The following PCDHGA8 variants were observed in gnomAD, a reference collection of about 807,000 sequenced individuals.
PCDHGA8 encodes protocadherin gamma-A8.
A neutral mutation model predicts 59.2 loss-of-function variants in PCDHGA8; 45 were observed. The ratio of observed to expected loss-of-function variants is 0.76; its 90% CI spans 0.60 to 0.98. PCDHGA8 has a LOEUF of 0.98. Ranked by LOEUF, PCDHGA8 falls within the 50% of genes least tolerant of loss-of-function variation. The probability of loss-of-function intolerance (pLI) is 0.00; values close to 1 mark genes in which losing one functional copy is unlikely to be tolerated. For synonymous variants in PCDHGA8, 531 were observed against 519.0 expected, an observed-to-expected ratio of 1.02 and a Z score of -0.32; for missense variants, 1,257 against 1,196.2, an observed-to-expected ratio of 1.05 and a Z score of -0.75.
chr5:141,395,511 T>G, intron 1 of PCDHGA8: 3 of 425,438 alleles, frequency 7.1e-6, no homozygotes, highest in Non-Finnish European at 1.3e-5. Context: ...AAGAAGTAGC[T>G]ACCCGTCCAT....
At position 141,401,132 on chromosome 5, in the gene PCDHGA8, A is replaced by G. The variant is rs534048041; in HGVS notation, c.2424+5895A>G. Among the ~76,000 whole-genome samples, 4 of 152,344 alleles carry G rather than the reference A, an allele frequency of 2.6e-5. No homozygotes were observed. In the South Asian group the frequency reaches 8.3e-4, roughly 32 times the overall value. ...GCCGAGGCGGTTGGATCACATGGTCAGGAGTTCAAGACCAGCCTGGGCAAT... is the reference window on the plus strand; with the variant it reads ...GCCGAGGCGGTTGGATCACATGGTCGGGAGTTCAAGACCAGCCTGGGCAAT... On this transcript the variant is annotated intron_variant, in intron 1 of 3. Coordinates refer to ENST00000398604, the MANE Select transcript of PCDHGA8 (RefSeq NM_032088.2).
rs2099450974 is a variant in PCDHGA8 at position 141,478,361 on chromosome 5, G to A, written c.2425-16446G>A. 6 of 1,613,776 alleles carry A rather than the reference G, an allele frequency of 3.7e-6. No individual in the cohort carries two copies. The East Asian group carries it at 1.3e-4, about 36-fold the overall frequency. ...CTCCTTGCACGCGGACGCCGTGCGGGGAGGCCTGATGTCGCCGCACCTTTA... is the reference window on the plus strand; with the variant it reads ...CTCCTTGCACGCGGACGCCGTGCGGAGAGGCCTGATGTCGCCGCACCTTTA... On this transcript the variant is annotated intron_variant, in intron 1 of 3. Coordinates refer to ENST00000398604, the MANE Select transcript of PCDHGA8 (RefSeq NM_032088.2).
intron 1 of PCDHGA8, among the ~76,000 whole-genome samples, chr5:141,442,846 C>T (rs1489647686): frequency 2.6e-5 from 4 of 152,234 alleles, no homozygotes; most frequent in Non-Finnish European, 4.4e-5. Context: ...AAATCTTGGC[C>T]ATTGTAGTAT....
intron 2 of PCDHGA8, among the ~76,000 whole-genome samples, chr5:141,497,552 T>C (rs2099777669): frequency 6.6e-6 from 1 of 151,386 alleles, no homozygotes; most frequent in Non-Finnish European, 1.5e-5. Context: ...TTTTTTTTTT[T>C]TTTTTTAGAC....
At chr5:141,508,588 C>G (rs1721443459) in intron 3 of PCDHGA8, among the ~76,000 whole-genome samples, 1 of 152,176 alleles carries the variant, frequency 6.6e-6, no homozygotes, top group African/African-American at 2.4e-5. Context: ...GGGTGCTACT[C>G]AGAGATCTTG....
At chr5:141,450,898 C>T (rs929869116) in intron 1 of PCDHGA8, among the ~76,000 whole-genome samples, 12 of 150,412 alleles carry the variant, frequency 8.0e-5, no homozygotes, top group African/African-American at 2.9e-4. Context: ...GATATCGGCT[C>T]ACTGCAACCG....
chr5:141,409,341 G>C, intron 1 of PCDHGA8: 1 of 1,613,976 alleles, frequency 6.2e-7, no homozygotes, highest in Non-Finnish European at 8.5e-7. Flanking sequence ...GGAGGAAATG[G>C]AGAAGTCAGG....
intron 1 of PCDHGA8, among the ~76,000 whole-genome samples, chr5:141,453,288 ATTATTTATTTAT>A (rs577328880): frequency 6.6e-6 from 1 of 151,342 alleles, no homozygotes; most frequent in African/African-American, 2.4e-5. Context: ...TAATTTTTTA[ATTATTTATTTAT>A]TTATTTATTT....
chr5:141,415,893 A>G, intron 1 of PCDHGA8: 2 of 904,826 alleles, frequency 2.2e-6, no homozygotes, highest in Non-Finnish European at 3.0e-6. Flanking sequence ...GACAATTCCT[A>G]AGACAGACTT....
rs781695042 is a variant in PCDHGA8, at chr5:141,394,424, C to T, written c.1611C>T (p.Ser537=). 6.2e-6 allele frequency: 10 copies of T among 1,614,104 alleles called. No individual in the cohort carries two copies. The African/African-American group carries it at 8.0e-5, about 13-fold the overall frequency. The change falls in exon 1 of 4, where the codon AGC becomes AGT. Residue 537 remains serine, a synonymous_variant. Transcript: ENST00000398604. The stretch of plus-strand genomic sequence containing the variant: ...AGCTACTGGTAACAGCCAGCGACAG[C>T]GGGGACCCGCCCCTCAGCAGCAACA... The part of the protein sequence containing the change: ...DLQLLVTASD[S]GDPPLSSNMS...
chr5:141,408,609 AG>A, intron 1 of PCDHGA8: 3 of 1,614,088 alleles, frequency 1.9e-6, no homozygotes, highest in Non-Finnish European at 1.7e-6. Context: ...TTTGATAAAA[AG>A]GAAATACATT....
Position 141,475,063 on chromosome 5 carries a change from C to T in PCDHGA8, c.2425-19744C>T, listed in dbSNP as rs552623067. Among the ~76,000 whole-genome samples the T allele has an allele frequency of 1.1e-4, 16 of 152,320 alleles. No individual in the cohort carries two copies. The South Asian group carries it at 2.9e-3, about 28-fold the overall frequency. The stretch of plus-strand genomic sequence containing the variant: ...TTGTATTTTCTAAAGATTTGTGGAG[C>T]TTTGCTGCCATTATTTCAATAATTT... On this transcript the variant is annotated intron_variant, in intron 1 of 3. Coordinates refer to ENST00000398604, the MANE Select transcript of PCDHGA8 (RefSeq NM_032088.2).
rs1221067458 is a variant in PCDHGA8 at position 141,491,658 on chromosome 5, C to T, written c.2425-3149C>T. The T allele has an allele frequency of 3.1e-6, 5 of 1,613,822 alleles. No individual in the cohort carries two copies. The highest frequency in any genetic ancestry group is 2.2e-5 in the South Asian group (2 of 91,088). Reference sequence around the variant, plus strand: ...CCACAGCTCTGGCGCTGGAGCCTGACGCCATCCGGTCCCGCTCTAATACGC... The same window carrying T: ...CCACAGCTCTGGCGCTGGAGCCTGATGCCATCCGGTCCCGCTCTAATACGC... On this transcript the variant is annotated intron_variant, in intron 1 of 3. Coordinates refer to ENST00000398604, the MANE Select transcript of PCDHGA8 (RefSeq NM_032088.2). The surrounding 1 kb of genome is among the most constrained non-coding windows in gnomAD (Gnocchi z 6.9).
chr5:141,444,325 C>G (rs2098432231), intron 1 of PCDHGA8, among the ~76,000 whole-genome samples: 1 of 151,840 alleles, frequency 6.6e-6, no homozygotes, highest in Non-Finnish European at 1.5e-5. Flanking sequence ...GCATGTGCCA[C>G]CACGCCCAGC....
intron 1 of PCDHGA8, chr5:141,410,815 T>C: frequency 1.8e-6 from 1 of 553,722 alleles, no homozygotes; most frequent in Non-Finnish European, 2.9e-6. Context: ...TTTTGTAAAA[T>C]AATGTCACCA....
intron 1 of PCDHGA8, chr5:141,400,205 C>CCACCACCA: frequency 6.2e-7 from 1 of 1,614,016 alleles, no homozygotes; most frequent in South Asian, 1.1e-5. Flanking sequence ...GTGGCCTTGG[C>CCACCACCA]CTTGATCTCA....
chr5:141,449,688 T>G (rs951233495), intron 1 of PCDHGA8, among the ~76,000 whole-genome samples: 2 of 151,772 alleles, frequency 1.3e-5, no homozygotes, highest in African/African-American at 4.8e-5. Context: ...TATGTTTGTG[T>G]GTATGTACAC....
intron 1 of PCDHGA8, among the ~76,000 whole-genome samples, chr5:141,446,719 G>C (rs899985752): frequency 2.6e-5 from 4 of 152,056 alleles, no homozygotes; most frequent in Admixed American, 1.3e-4. Flanking sequence ...TGCCCGCCTC[G>C]GCCTCCCAAA....
At chr5:141,403,125 A>G (rs755647554) in intron 1 of PCDHGA8, 2 of 1,614,028 alleles carry the variant, frequency 1.2e-6, no homozygotes. Context: ...GAGCCCCGGG[A>G]GCTGGCGGAG....
Sources: gnomAD v4.1 joint callset for allele counts (sites outside exome capture counted in the v4.1 genomes callset) on GRCh38, gnomAD v4.1.1 for gene constraint, Gnocchi (gnomAD v3.1) non-coding constraint, MANE v1.5 for transcripts, NCBI Gene and HGNC (gene_info 2026-07-23, HGNC 2026-07-21) for gene names.